OXR1: variants seen among roughly 807,000 people sequenced by gnomAD.
OXR1 encodes the protein oxidation resistance protein 1.
A neutral mutation model predicts 104.6 loss-of-function variants in OXR1; 41 were observed. The observed-to-expected ratio is 0.39, with a 90% CI of 0.31 to 0.51. The LOEUF is 0.51. Ranked by LOEUF, OXR1 falls within the 20% of genes least tolerant of loss-of-function variation. The probability of loss-of-function intolerance (pLI) is 0.77; values close to 1 mark genes in which losing one functional copy is unlikely to be tolerated. For synonymous variants in OXR1, 348 were observed against 348.4 expected, an observed-to-expected ratio of 1.00 and a Z score of 0.01; for missense variants, 955 against 1,031.9, an observed-to-expected ratio of 0.93 and a Z score of 1.02.
chr8:106,709,416 GC>G (rs971232370), intron 9 of OXR1, among the ~76,000 whole-genome samples: 5 of 152,000 alleles, frequency 3.3e-5, no homozygotes, highest in African/African-American at 1.2e-4. Context: ...AAAGAATGCT[GC>G]CCAGCATTCT....
chr8:106,272,887 ACAT>A (rs1340364591), intron 1 of OXR1: 6 of 152,156 alleles, frequency 3.9e-5, no homozygotes, highest in Non-Finnish European at 5.9e-5. Flanking sequence ...TTCAAATAAA[ACAT>A]CATCTGATAT....
chr8:106,659,608 C>A (rs1444556071), intron 3 of OXR1, among the ~76,000 whole-genome samples: 2 of 152,156 alleles, frequency 1.3e-5, no homozygotes, highest in Admixed American at 6.5e-5. Flanking sequence ...TGATGTGTGA[C>A]CAGCCTTGAA....
At chr8:106,293,701 G>A (rs762902310) in intron 1 of OXR1, among the ~76,000 whole-genome samples, 11 of 152,242 alleles carry the variant, frequency 7.2e-5, no homozygotes, top group African/African-American at 1.7e-4. Flanking sequence ...GTATCCTCAC[G>A]TGGCAGAAGA....
chr8:106,733,134 C>T (rs1483110977), intron 11 of OXR1, among the ~76,000 whole-genome samples: 1 of 152,142 alleles, frequency 6.6e-6, no homozygotes, highest in Non-Finnish European at 1.5e-5. Context: ...TCAAGTGATC[C>T]TCTCACCTCA....
Position 106,722,697 on chromosome 8 carries a change from A to C in OXR1, c.1956+8712A>C, listed in dbSNP as rs528405100. On this transcript the variant is annotated intron_variant, in intron 11 of 16. Transcript: ENST00000517566. ...TAGAAGTAATAGGCCATACCGTATAACCTGGTTATATGGTAGGCTATTCCA... is the reference window on the plus strand; with the variant it reads ...TAGAAGTAATAGGCCATACCGTATACCCTGGTTATATGGTAGGCTATTCCA... Among the ~76,000 whole-genome samples, 4 of 152,308 alleles carry C rather than the reference A, an allele frequency of 2.6e-5. No individual in the cohort carries two copies. In the East Asian group the frequency reaches 5.8e-4, roughly 22 times the overall value.
intron 2 of OXR1, among the ~76,000 whole-genome samples, chr8:106,416,026 T>C (rs1818665002): frequency 6.6e-6 from 1 of 152,108 alleles, no homozygotes; most frequent in East Asian, 1.9e-4. Context: ...GTCCCTCTCT[T>C]AGAAAGCTTA....
At chr8:106,457,002 A>G (rs1348544209) in intron 2 of OXR1, among the ~76,000 whole-genome samples, 2 of 152,200 alleles carry the variant, frequency 1.3e-5, no homozygotes, top group Non-Finnish European at 2.9e-5. Context: ...TTGTTTAGAC[A>G]GTTCTCATCA....
At chr8:106,509,607 A>G (rs1331688489) in intron 2 of OXR1, among the ~76,000 whole-genome samples, 1 of 152,180 alleles carries the variant, frequency 6.6e-6, no homozygotes, top group African/African-American at 2.4e-5. Context: ...CCCCCAGGGC[A>G]CTATAGAAAA....
intron 3 of OXR1, among the ~76,000 whole-genome samples, chr8:106,638,343 C>T (rs2130926985): frequency 6.6e-6 from 1 of 151,348 alleles, no homozygotes; most frequent in South Asian, 2.2e-4. Context: ...CTATTCTAAC[C>T]GGGAATTACT....
chr8:106,402,672 A>G (rs941490697), intron 2 of OXR1, among the ~76,000 whole-genome samples: 5 of 152,138 alleles, frequency 3.3e-5, no homozygotes, highest in African/African-American at 1.2e-4. Context: ...CCTCAATGCA[A>G]GTTTACTGTA....
intron 2 of OXR1, among the ~76,000 whole-genome samples, chr8:106,397,745 G>A (rs1373189125): frequency 1.3e-5 from 2 of 152,034 alleles, no homozygotes; most frequent in East Asian, 3.9e-4. Context: ...GTAGGAGAAT[G>A]TTTTAATATG....
In OXR1 at chr8:106,544,954, T is replaced by G. The variant is rs1434391240; in HGVS notation, c.220+25815T>G. On this transcript the variant is annotated intron_variant, in intron 3 of 16. Coordinates refer to ENST00000517566, the MANE Select transcript of OXR1 (RefSeq NM_001198533.2). ...TATTGCCCATCTTTTACCATTGTTA[T>G]TTAACATCTTCTGGAAGTTTGACAT... is the stretch of plus-strand genomic sequence containing the variant. Among the ~76,000 whole-genome samples, 3 of 152,332 alleles carry G rather than the reference T, an allele frequency of 2.0e-5. No homozygotes were observed. In the East Asian group the frequency reaches 5.8e-4, roughly 29 times the overall value.
Position 106,337,544 on chromosome 8 carries a change from C to G in OXR1, c.-138-21932C>G, listed in dbSNP as rs531414061. The stretch of plus-strand genomic sequence containing the variant: ...CTGGGGTAGAACCCAAGTTTCTAAG[C>G]CATCAATTTTATGTTGTCCCCATAG... On this transcript the variant is annotated intron_variant, in intron 1 of 16. Coordinates refer to ENST00000517566, the MANE Select transcript of OXR1 (RefSeq NM_001198533.2). Among the ~76,000 whole-genome samples, 90 of 152,262 alleles carry G rather than the reference C, an allele frequency of 5.9e-4. 1 individual carries two copies. Among genetic ancestry groups the G allele is most frequent in the African/African-American group, 2.1e-3 (88 of 41,554 alleles).
At chr8:106,444,484 A>G (rs1386469809) in intron 2 of OXR1, among the ~76,000 whole-genome samples, 1 of 152,220 alleles carries the variant, frequency 6.6e-6, no homozygotes, top group African/African-American at 2.4e-5. Context: ...TGGTACATAT[A>G]CACCATGGAA....
intron 3 of OXR1, among the ~76,000 whole-genome samples, chr8:106,597,701 A>T (rs373345468): frequency 6.6e-6 from 1 of 152,218 alleles, no homozygotes; most frequent in Non-Finnish European, 1.5e-5. Flanking sequence ...AGGTGAAAAG[A>T]TGAAGCTTAC....
At chr8:106,666,001 A>C (rs899243851) in intron 3 of OXR1, among the ~76,000 whole-genome samples, 16 of 152,148 alleles carry the variant, frequency 1.1e-4, no homozygotes, top group Non-Finnish European at 2.4e-4. Context: ...CAAACCAAAA[A>C]GCTTATTTTT....
intron 7 of OXR1, among the ~76,000 whole-genome samples, chr8:106,695,718 C>T (rs1021932564): frequency 2.6e-5 from 4 of 151,936 alleles, no homozygotes; most frequent in Non-Finnish European, 5.9e-5. Context: ...GCACCCGGCA[C>T]GTTTATGTAC....
intron 1 of OXR1, among the ~76,000 whole-genome samples, chr8:106,315,872 G>A (rs1175630776): frequency 6.6e-6 from 1 of 152,122 alleles, no homozygotes; most frequent in East Asian, 1.9e-4. Context: ...GAAACAAGAG[G>A]CATGTGGAGT....
chr8:106,658,492 C>G (rs572242523), intron 3 of OXR1, among the ~76,000 whole-genome samples: 39 of 152,356 alleles, frequency 2.6e-4, no homozygotes, highest in Middle Eastern at 3.4e-3. Flanking sequence ...CTCTCTTTCC[C>G]TCCCACTGGG....
Sources: gnomAD v4.1 joint callset for allele counts (sites outside exome capture counted in the v4.1 genomes callset) on GRCh38, gnomAD v4.1.1 for gene constraint, MANE v1.5 for transcripts, NCBI Gene and HGNC (gene_info 2026-07-23, HGNC 2026-07-21) for gene names.